CSMD1: variants seen among roughly 807,000 people sequenced by gnomAD.
CSMD1 encodes the protein CUB and Sushi multiple domains 1.
A neutral mutation model predicts 417.5 loss-of-function variants in CSMD1; 213 were observed. The ratio of observed to expected loss-of-function variants is 0.51; its 90% confidence interval spans 0.46 to 0.57. The LOEUF is 0.57. CSMD1 is among the 20% of genes least tolerant of loss of function. The pLI is 0.00. For synonymous variants in CSMD1, 2,862 were observed against 1,736.8 expected, an observed-to-expected ratio of 1.65 and a Z score of -16.11; for missense variants, 6,923 against 4,529.7, an observed-to-expected ratio of 1.53 and a Z score of -15.17.
rs1189594273 is a variant in CSMD1, at chr8:3,250,533, C to T, written c.4154-20302G>A. Among the ~76,000 whole-genome samples the T allele has an allele frequency of 2.0e-5, 3 of 152,152 alleles. No individual in the cohort carries two copies. The East Asian group carries it at 5.8e-4, about 29-fold the overall frequency. ...GCAATAAACATACGTATGAATGGGT[C>T]TTTATAGCAGCATGATTTATAGTCC... On this transcript the variant is annotated intron_variant, in intron 26 of 69. Coordinates refer to ENST00000635120, the MANE Select transcript of CSMD1 (RefSeq NM_033225.6).
chr8:3,359,927 T>C (rs990750014), intron 20 of CSMD1, among the ~76,000 whole-genome samples: 1 of 152,206 alleles, frequency 6.6e-6, no homozygotes, highest in African/African-American at 2.4e-5. Flanking sequence ...AATGAGATAA[T>C]TCACTTCAAA....
chr8:3,717,515 G>C (rs543812110), intron 6 of CSMD1, among the ~76,000 whole-genome samples: 51 of 152,186 alleles, frequency 3.4e-4, no homozygotes, highest in African/African-American at 1.2e-3. Context: ...CAGGGTCCTT[G>C]TCACATGGCC....
chr8:4,534,773 C>CT (rs955484375), intron 2 of CSMD1, among the ~76,000 whole-genome samples: 1 of 151,430 alleles, frequency 6.6e-6, no homozygotes, highest in East Asian at 1.9e-4. Context: ...TCTTTCTTTC[C>CT]TTTTTTTGAG....
intron 3 of CSMD1, among the ~76,000 whole-genome samples, chr8:4,359,051 A>T (rs1801601770): frequency 2.0e-5 from 3 of 152,172 alleles, no homozygotes; most frequent in Admixed American, 2.0e-4. Context: ...AAATCAATAT[A>T]CATGTGATAC....
At chr8:4,302,778 T>C (rs928735768) in intron 3 of CSMD1, among the ~76,000 whole-genome samples, 1 of 152,176 alleles carries the variant, frequency 6.6e-6, no homozygotes, top group Non-Finnish European at 1.5e-5. Context: ...CAGGTAGAGT[T>C]GGCACCGTCA....
rs186553957 is a variant in CSMD1 at position 4,911,903 on chromosome 8, A to G, written c.85+82429T>C. 2.3e-3 allele frequency among the ~76,000 whole-genome samples: 354 copies of G among 152,248 alleles called. 2 individuals are homozygous for G. The highest frequency in any genetic ancestry group is 8.0e-3 in the African/African-American group (332 of 41,548). On this transcript the variant is annotated intron_variant, in intron 1 of 69. Coordinates refer to ENST00000635120, the MANE Select transcript of CSMD1 (RefSeq NM_033225.6). ...TGAGAAGCTCATCAGAAAAATTACT[A>G]GACAGGTATTTTGTGGCAACATATT...
At chr8:3,942,674 G>C (rs180821775) in intron 5 of CSMD1, among the ~76,000 whole-genome samples, 18 of 152,246 alleles carry the variant, frequency 1.2e-4, no homozygotes, top group African/African-American at 4.3e-4. Context: ...ATGATTTATA[G>C]GTCCTTTTCC....
At chr8:3,135,624 TG>T (rs1818032646) in intron 41 of CSMD1, among the ~76,000 whole-genome samples, 4 of 148,674 alleles carry the variant, frequency 2.7e-5, no homozygotes, top group African/African-American at 1.0e-4. Flanking sequence ...AACACGCTCT[TG>T]AGTGAAGTCT....
chr8:4,096,040 G>T (rs566287041), intron 3 of CSMD1, among the ~76,000 whole-genome samples: 1 of 144,994 alleles, frequency 6.9e-6, no homozygotes, highest in Non-Finnish European at 1.5e-5. Flanking sequence ...TATAATGTGT[G>T]GTGTGTTTTG....
At chr8:3,397,022 G>C (rs1158307042) in intron 16 of CSMD1, among the ~76,000 whole-genome samples, 1 of 152,088 alleles carries the variant, frequency 6.6e-6, no homozygotes, top group African/African-American at 2.4e-5. Flanking sequence ...AACTGCTTAA[G>C]TTTTCTTATG....
intron 26 of CSMD1, among the ~76,000 whole-genome samples, chr8:3,232,707 G>A (rs1423232698): frequency 6.6e-6 from 1 of 152,066 alleles, no homozygotes. Flanking sequence ...GTGCCCTGAA[G>A]TTCCTGCTCT....
chr8:4,306,501 TA>T (rs1225351250), intron 3 of CSMD1, among the ~76,000 whole-genome samples: 3 of 152,188 alleles, frequency 2.0e-5, no homozygotes, highest in South Asian at 2.1e-4. Context: ...ATCTCATTTC[TA>T]GAACCACTGA....
At chr8:4,870,224 C>T (rs1458855043) in intron 1 of CSMD1, among the ~76,000 whole-genome samples, 1 of 151,952 alleles carries the variant, frequency 6.6e-6, no homozygotes, top group Non-Finnish European at 1.5e-5. Flanking sequence ...CTTCTTCATC[C>T]CACAACTCAA....
chr8:4,290,617 G>T (rs755034446), intron 3 of CSMD1, among the ~76,000 whole-genome samples: 5 of 152,198 alleles, frequency 3.3e-5, no homozygotes, highest in Admixed American at 6.5e-5. Flanking sequence ...GGTAGATGCT[G>T]TATTTAGGAA....
At chr8:4,131,614 G>T (rs528837294) in intron 3 of CSMD1, among the ~76,000 whole-genome samples, 1 of 152,138 alleles carries the variant, frequency 6.6e-6, no homozygotes, top group South Asian at 2.1e-4. Context: ...TTACACTTGA[G>T]AATAGGTACA....
chr8:3,872,965 C>T (rs1441482836), intron 5 of CSMD1, among the ~76,000 whole-genome samples: 5 of 152,034 alleles, frequency 3.3e-5, no homozygotes, highest in East Asian at 1.9e-4. Flanking sequence ...CTCAACATCA[C>T]TGATCATTAG....
chr8:3,336,731 T>C (rs1297674065), intron 23 of CSMD1, among the ~76,000 whole-genome samples: 1 of 152,190 alleles, frequency 6.6e-6, no homozygotes, highest in Non-Finnish European at 1.5e-5. Context: ...CCTAACTTCC[T>C]GTTTTCAGAA....
At position 2,957,734 on chromosome 8, in the gene CSMD1, G is replaced by A. The variant is rs758700513; in HGVS notation, c.9776C>T (p.Ala3259Val). The change falls in exon 63 of 70, where the codon GCC (alanine) becomes GTC (valine). Residue 3259 changes from alanine to valine, a missense_variant. Physicochemically the swap from Ala to Val is moderately conservative, Grantham distance 64 (BLOSUM62 0). Coordinates refer to ENST00000635120, the MANE Select transcript of CSMD1 (RefSeq NM_033225.6). Reference protein sequence around the residue: ...IQGSTTRTCLANLTWSGIQTE... With the variant: ...IQGSTTRTCLVNLTWSGIQTE... ...CTGTATCCCACTCCATGTTAAATTG[G>A]CAAGGCAGGTGCGAGTCGTGGAACC... The A allele has an allele frequency of 6.3e-7, 1 of 1,598,896 alleles. No individual in the cohort carries two copies. The highest frequency in any genetic ancestry group is 2.2e-5 in the East Asian group (1 of 44,514).
chr8:3,539,767 A>T (rs1798360241), intron 10 of CSMD1, among the ~76,000 whole-genome samples: 2 of 143,802 alleles, frequency 1.4e-5, no homozygotes, highest in African/African-American at 5.9e-5. Context: ...TTATGATAAA[A>T]AAAAAAAAAA....
Sources: gnomAD v4.1 joint callset for allele counts (sites outside exome capture counted in the v4.1 genomes callset) on GRCh38, gnomAD v4.1.1 for gene constraint, MANE v1.5 for transcripts, NCBI Gene and HGNC (gene_info 2026-07-23, HGNC 2026-07-21) for gene names.